IGF2BP1: variants seen among roughly 807,000 people sequenced by gnomAD.
IGF2BP1 encodes the protein insulin-like growth factor 2 mRNA-binding protein 1.
A neutral mutation model predicts 74.9 loss-of-function variants in IGF2BP1; 11 were observed. The ratio of observed to expected loss-of-function variants is 0.15; its 90% CI spans 0.09 to 0.24. The LOEUF (loss-of-function observed/expected upper bound fraction) is 0.24. Ranked by LOEUF, IGF2BP1 falls within the 10% of genes least tolerant of loss-of-function variation. The pLI, the probability that IGF2BP1 is intolerant of heterozygous loss-of-function variation, is 1.00. For missense variants in IGF2BP1, 440 were observed against 757.4 expected (o/e 0.58, Z 4.92); for synonymous variants, 287 against 281.8 (o/e 1.02, Z -0.18).
At chr17:49,039,860 T>C in intron 6 of IGF2BP1, 97 bp from the exon 7 acceptor site, 1 of 1,323,160 alleles carries the variant, frequency 7.6e-7, no homozygotes, top group South Asian at 1.3e-5. Flanking sequence ...GAAGAGCAGG[T>C]TCTATGCCTT....
chr17:49,019,955 TACAC>T (rs61213607), intron 2 of IGF2BP1, among the ~76,000 whole-genome samples: 6,342 of 78,142 alleles, frequency 0.081, 807 homozygotes, highest in African/African-American at 0.3. Context: ...TATATTTATA[TACAC>T]ACACACACAC....
chr17:49,030,587 TC>T, intron 4 of IGF2BP1, among the ~76,000 whole-genome samples: 1 of 152,250 alleles, frequency 6.6e-6, no homozygotes, highest in South Asian at 2.1e-4. Context: ...AAATTGCTAA[TC>T]TCATTCAGCG....
chr17:49,015,104 C>G (rs1310446078), intron 2 of IGF2BP1: 1 of 196,838 alleles, frequency 5.1e-6, no homozygotes, highest in African/African-American at 2.4e-5. Flanking sequence ...TCCCGAGTAG[C>G]TGGGATTACA....
chr17:49,039,808 C>T, intron 6 of IGF2BP1, 149 bp from the exon 7 acceptor site: 1 of 795,828 alleles, frequency 1.3e-6, no homozygotes, highest in East Asian at 2.6e-5. Flanking sequence ...CCAGTCCTTT[C>T]ATTGCCCTTC....
intron 14 of IGF2BP1, 60 bp from the exon 15 acceptor site, chr17:49,049,291 TC>T (rs2042140118): frequency 6.9e-7 from 1 of 1,443,108 alleles, no homozygotes; most frequent in Non-Finnish European, 9.7e-7. Flanking sequence ...TGACCTCTCT[TC>T]CGTGGAAGGC....
intron 7 of IGF2BP1, 45 bp from the exon 8 acceptor site, chr17:49,041,333 A>G (rs201285027): frequency 3.6e-5 from 58 of 1,609,478 alleles, no homozygotes; most frequent in Middle Eastern, 3.6e-4. Context: ...GAAGCCCACA[A>G]TTGAAGGAAC....
intron 2 of IGF2BP1, among the ~76,000 whole-genome samples, chr17:49,008,172 C>CAAAA (rs78718299): frequency 5.5e-5 from 5 of 90,232 alleles, no homozygotes; most frequent in African/African-American, 1.6e-4. Context: ...AATTCCATCT[C>CAAAA]AAAAAAAAAA....
chr17:49,032,449 G>T (rs1410908641), intron 5 of IGF2BP1, among the ~76,000 whole-genome samples: 2 of 145,492 alleles, frequency 1.4e-5, no homozygotes, highest in Non-Finnish European at 3.0e-5. Flanking sequence ...GGTGATAGTT[G>T]TGGGGTCCTT....
chr17:49,007,162 C>A (rs1312263536), intron 2 of IGF2BP1, among the ~76,000 whole-genome samples: 2 of 152,088 alleles, frequency 1.3e-5, no homozygotes, highest in East Asian at 1.9e-4. Context: ...GAGTGACCTC[C>A]CCCATCTGCT....
rs977253252 is a variant in IGF2BP1 at position 49,025,727 on chromosome 17, G to A, written c.285+61G>A. On this transcript the variant is annotated intron_variant, in intron 3 of 14. Coordinates refer to ENST00000290341, the MANE Select transcript of IGF2BP1 (RefSeq NM_006546.4). ...TAGTGGAGCCTGGAAAGTACGTCTG[G>A]ACTAGCTGGAGTTGCCAGAAATGAT... The A allele has an allele frequency of 1.3e-5, 19 of 1,494,842 alleles. No homozygotes were observed. The Admixed American group carries it at 1.5e-4, about 12-fold the overall frequency. 92.6% of individuals were successfully genotyped at this position (1,494,842 alleles called of 1,614,324 possible). A position where few individuals can be genotyped will look rare whatever the true frequency, so the allele number is the denominator to read the frequency against.
At chr17:49,025,699 G>A in intron 3 of IGF2BP1, 33 bp downstream of exon 3, 1 of 1,593,120 alleles carries the variant, frequency 6.3e-7, no homozygotes, top group Non-Finnish European at 8.6e-7. Context: ...AAATGGAGTG[G>A]GATAGTGGAG....
intron 14 of IGF2BP1, 121 bp from the exon 15 acceptor site, chr17:49,049,231 T>G: frequency 1.4e-6 from 1 of 722,584 alleles, no homozygotes; most frequent in South Asian, 1.8e-5. Context: ...TTTATCTTTC[T>G]TCTGAGTCCT....
In IGF2BP1 at chr17:49,051,002, A is replaced by G. The variant is rs919653474; in HGVS notation, c.*1558A>G. Reference sequence around the variant, plus strand: ...CATGCGTGGAGTTCCCCTCCTTTCAACATTGCAACAACAGTAACAACAAGA... The same window carrying G: ...CATGCGTGGAGTTCCCCTCCTTTCAGCATTGCAACAACAGTAACAACAAGA... On this transcript the variant is annotated 3_prime_UTR_variant, in exon 15 of 15. Coordinates refer to ENST00000290341, the MANE Select transcript of IGF2BP1 (RefSeq NM_006546.4). 2 of 152,638 alleles carry G rather than the reference A, an allele frequency of 1.3e-5. No individual in the cohort carries two copies. Among genetic ancestry groups the G allele is most frequent in the African/African-American group, 4.8e-5 (2 of 41,434 alleles). The allele number at this position is 152,638 out of a possible 1,614,324, so 9.5% of individuals were successfully genotyped here. A position where few individuals can be genotyped will look rare whatever the true frequency, so the allele number is the denominator to read the frequency against.
chr17:49,011,162 A>G (rs973829114), intron 2 of IGF2BP1, among the ~76,000 whole-genome samples: 2 of 145,714 alleles, frequency 1.4e-5, no homozygotes, highest in Admixed American at 1.4e-4. Flanking sequence ...AAAAAAAAAA[A>G]AAAAACAAAC....
At chr17:48,999,923 G>GGGGT (rs1555593971) in intron 2 of IGF2BP1, among the ~76,000 whole-genome samples, 2 of 134,106 alleles carry the variant, frequency 1.5e-5, no homozygotes, top group South Asian at 2.7e-4. Flanking sequence ...GTGGATGAAT[G>GGGGT]GTGTGTGTGT....
At chr17:49,038,477 G>GT in intron 6 of IGF2BP1, 28 bp downstream of exon 6, 1 of 1,450,904 alleles carries the variant, frequency 6.9e-7, no homozygotes, top group South Asian at 1.5e-5. Flanking sequence ...GGGAATGGAG[G>GT]TTGGGTGCTA....
At chr17:49,043,289 A>G in intron 9 of IGF2BP1, 139 bp from the exon 10 acceptor site, 1 of 961,770 alleles carries the variant, frequency 1.0e-6, no homozygotes, top group Non-Finnish European at 1.6e-6. Flanking sequence ...AAAGCACAGA[A>G]TAGGCTTTTG....
chr17:49,034,756 C>CAA (rs11388257), intron 5 of IGF2BP1, among the ~76,000 whole-genome samples: 8,898 of 135,848 alleles, frequency 0.065, 472 homozygotes, highest in African/African-American at 0.15. Flanking sequence ...ACAAAAAAAA[C>CAA]AAAAAAAACA....
At position 49,042,284 on chromosome 17, in the gene IGF2BP1, T is replaced by C. The variant is rs1373235337; in HGVS notation, c.984T>C (p.Thr328=). Residue 328 remains threonine, a synonymous_variant, in exon 9 of 15, where the codon ACT becomes ACC. Transcript: ENST00000290341. ...LTLYNPERTI[T]VKGAIENCCR... ...TTTACAACCCTGAGAGGACCATCAC[T>C]GTGAAGGGGGCCATCGAGAATTGTT... is the stretch of plus-strand genomic sequence containing the variant. The C allele has an allele frequency of 1.2e-5, 19 of 1,614,110 alleles. No individual in the cohort carries two copies. Among genetic ancestry groups the C allele is most frequent in the Non-Finnish European group, 1.4e-5 (17 of 1,180,002 alleles).
Sources: allele counts gnomAD v4.1 joint callset (sites outside exome capture counted in the v4.1 genomes callset), GRCh38; gene constraint gnomAD v4.1.1; transcripts MANE v1.5; gene names NCBI Gene and HGNC (gene_info 2026-07-23, HGNC 2026-07-21).